The following MAP4 variants were observed in gnomAD, a reference collection of about 807,000 sequenced individuals.
MAP4 encodes microtubule-associated protein 4.
A neutral mutation model predicts 170.2 loss-of-function variants in MAP4; 76 were observed. The observed-to-expected ratio is 0.45, with a 90% CI of 0.37 to 0.54. MAP4 has a LOEUF of 0.54. Among genes scored for constraint, MAP4 ranks in the 20% least tolerant of loss-of-function variants. The pLI, the probability that MAP4 is intolerant of heterozygous loss-of-function variation, is 0.00. For missense variants in MAP4, 2,506 were observed against 2,748.0 expected (o/e 0.91, Z 1.97); for synonymous variants, 909 against 994.5 (o/e 0.91, Z 1.62).
intron 2 of MAP4, among the ~76,000 whole-genome samples, chr3:47,998,206 A>T (rs1388990918): frequency 6.6e-6 from 1 of 152,186 alleles, no homozygotes; most frequent in African/African-American, 2.4e-5. Context: ...TGATCCAGGA[A>T]AATGGCAAAT....
intron 1 of MAP4, among the ~76,000 whole-genome samples, chr3:48,081,040 C>T (rs1212938505): frequency 6.6e-6 from 1 of 152,046 alleles, no homozygotes; most frequent in Non-Finnish European, 1.5e-5. Flanking sequence ...AGGAGAATGG[C>T]GTGAACCCGG....
At chr3:48,009,152 G>A (rs976834299) in intron 1 of MAP4, among the ~76,000 whole-genome samples, 1 of 152,142 alleles carries the variant, frequency 6.6e-6, no homozygotes, top group African/African-American at 2.4e-5. Flanking sequence ...CCAGGCTGGA[G>A]TGCAGTGGCA....
At chr3:48,078,161 T>G (rs2100144878) in intron 1 of MAP4, among the ~76,000 whole-genome samples, 1 of 152,170 alleles carries the variant, frequency 6.6e-6, no homozygotes, top group Non-Finnish European at 1.5e-5. Context: ...TGTTTTGTTT[T>G]GTTTTGACAG....
intron 1 of MAP4, among the ~76,000 whole-genome samples, chr3:48,007,507 G>C (rs1224731731): frequency 6.6e-6 from 1 of 152,172 alleles, no homozygotes; most frequent in Non-Finnish European, 1.5e-5. Flanking sequence ...TGTGCAAGCT[G>C]CTCTGCCACC....
intron 1 of MAP4, among the ~76,000 whole-genome samples, chr3:48,022,862 G>C (rs1233246009): frequency 2.6e-5 from 4 of 151,620 alleles, no homozygotes; most frequent in African/African-American, 9.7e-5. Flanking sequence ...CGGCACTCCA[G>C]CCTGGGCAAC....
chr3:47,853,391 CG>C, intron 19 of MAP4, 39 bp from the exon 20 acceptor site: 2 of 1,411,910 alleles, frequency 1.4e-6, no homozygotes, highest in Non-Finnish European at 1.9e-6. Context: ...CAGGGTCAGT[CG>C]AGGGGGGGAG....
At chr3:47,858,586 GGT>G (rs59208724) in intron 17 of MAP4, among the ~76,000 whole-genome samples, 1,480 of 144,840 alleles carry the variant, frequency 0.01, 19 homozygotes, top group African/African-American at 0.029. Flanking sequence ...GTGAGGGGGT[GGT>G]GTGTGTGTGT....
intron 1 of MAP4, among the ~76,000 whole-genome samples, chr3:48,066,246 C>A (rs1239565857): frequency 2.0e-5 from 3 of 152,038 alleles, no homozygotes; most frequent in Non-Finnish European, 4.4e-5. Context: ...CTCTAAATAC[C>A]CTGGCTCTGT....
intron 1 of MAP4, among the ~76,000 whole-genome samples, chr3:48,054,070 G>A (rs962873385): frequency 4.6e-5 from 7 of 152,174 alleles, no homozygotes; most frequent in East Asian, 1.9e-4. Context: ...TTGGAAGGCC[G>A]AGGCAGGCAG....
At chr3:47,974,600 A>G (rs947750262) in intron 3 of MAP4, 11 of 962,060 alleles carry the variant, frequency 1.1e-5, no homozygotes, top group African/African-American at 7.1e-5. Context: ...ATTTCAAAAC[A>G]TGGTCCATGT....
rs560187064 is a variant in MAP4, at chr3:48,083,663, CATAA to C, written c.-20+5106_-20+5109del. ...TACAGGCATGAGCCACCGCACCCAG[CATAA>C]ATAAATTTTTAAACATATTTAAATA... On this transcript the variant is annotated intron_variant, in intron 1 of 18. Coordinates refer to the MAP4 transcript ENST00000360240. 6.9e-3 allele frequency among the ~76,000 whole-genome samples: 1,037 copies of C among 150,954 alleles called. 12 individuals are homozygous for C. The highest frequency in any genetic ancestry group is 1.0e-2 in the Non-Finnish European group (675 of 67,778).
intron 10 of MAP4, among the ~76,000 whole-genome samples, chr3:47,888,636 G>T (rs1035358486): frequency 6.6e-6 from 1 of 152,164 alleles, no homozygotes; most frequent in Admixed American, 6.5e-5. Context: ...TCACCGCGAG[G>T]GTCCGTGGCT....
rs200036233 is a variant in MAP4, at chr3:47,864,671, C to T, written c.6501+2575G>A. ...CAGCCTTGGTGACAGATCGAGACTC[C>T]GTCTCAAAAATAAAATAATAACATA... is the stretch of plus-strand genomic sequence containing the variant. On this transcript the variant is annotated intron_variant, in intron 17 of 20. Transcript: ENST00000683076. Among the ~76,000 whole-genome samples, 56 of 151,642 alleles carry T rather than the reference C, an allele frequency of 3.7e-4. 1 individual carries two copies. The East Asian group carries it at 8.3e-3, about 23-fold the overall frequency.
chr3:48,016,570 A>T (rs578234815), upstream of MAP4: 5 of 152,328 alleles, frequency 3.3e-5, no homozygotes, highest in East Asian at 9.6e-4. Flanking sequence ...TGATATCACC[A>T]ACCTTAAGAA....
At chr3:47,969,927 T>C (rs1391142260) in intron 3 of MAP4, among the ~76,000 whole-genome samples, 3 of 151,918 alleles carry the variant, frequency 2.0e-5, no homozygotes, top group Non-Finnish European at 4.4e-5. Flanking sequence ...TCCACTTCTA[T>C]AACCAAGATA....
intron 1 of MAP4, among the ~76,000 whole-genome samples, chr3:48,047,095 A>T (rs74348197): frequency 7.0e-6 from 1 of 142,762 alleles, no homozygotes; most frequent in Non-Finnish European, 1.5e-5. Context: ...CTCCGTCTCA[A>T]AAATAAATAA....
chr3:47,994,495 C>G (rs1336431307), intron 2 of MAP4, among the ~76,000 whole-genome samples: 1 of 152,162 alleles, frequency 6.6e-6, no homozygotes, highest in Non-Finnish European at 1.5e-5. Context: ...GCATTGTTTC[C>G]ATCATCTGGG....
intron 1 of MAP4, among the ~76,000 whole-genome samples, chr3:48,074,010 T>C (rs1164869313): frequency 1.3e-5 from 2 of 152,126 alleles, no homozygotes; most frequent in Non-Finnish European, 2.9e-5. Context: ...CATGCACATG[T>C]ATGTTTACTG....
chr3:47,926,981 A>G (rs1012124017), intron 4 of MAP4, among the ~76,000 whole-genome samples: 1 of 152,086 alleles, frequency 6.6e-6, no homozygotes, highest in African/African-American at 2.4e-5. Flanking sequence ...CCTGGCCAAC[A>G]TGGTGAAACC....
Sources: allele counts gnomAD v4.1 joint callset (sites outside exome capture counted in the v4.1 genomes callset), GRCh38; gene constraint gnomAD v4.1.1; transcripts MANE v1.5; gene names NCBI Gene and HGNC (gene_info 2026-07-23, HGNC 2026-07-21).